Variants in EPHB1 observed in about 807,000 individuals in gnomAD.
EPHB1 encodes ephrin type-B receptor 1.
Under a neutral mutation model 94.4 loss-of-function variants are expected in EPHB1, and 30 were observed. That is an observed-to-expected ratio of 0.32 (90% CI 0.24 to 0.43). The LOEUF (loss-of-function observed/expected upper bound fraction) is 0.43. Ranked by LOEUF, EPHB1 falls within the 20% of genes least tolerant of loss-of-function variation. The pLI, the probability that EPHB1 is intolerant of heterozygous loss-of-function variation, is 1.00. For synonymous variants in EPHB1, 522 were observed against 489.1 expected (o/e 1.07, Z -0.89); for missense variants, 1,055 against 1,308.3 (o/e 0.81, Z 2.99).
intron 1 of EPHB1, among the ~76,000 whole-genome samples, chr3:134,872,572 A>G (rs2037522496): frequency 6.6e-6 from 1 of 152,270 alleles, no homozygotes; most frequent in East Asian, 1.9e-4. Flanking sequence ...AAGCAAAGCT[A>G]GAATGGGGGC....
At chr3:135,231,116 T>C (rs576316339) in intron 12 of EPHB1, among the ~76,000 whole-genome samples, 1 of 152,354 alleles carries the variant, frequency 6.6e-6, no homozygotes, top group African/African-American at 2.4e-5. Flanking sequence ...GCTGTTTCTT[T>C]GCCCTTTATT....
intron 3 of EPHB1, among the ~76,000 whole-genome samples, chr3:135,051,693 T>G (rs995618180): frequency 2.6e-5 from 4 of 152,254 alleles, no homozygotes; most frequent in African/African-American, 9.6e-5. Context: ...TGGAAAATGA[T>G]TGCATTAAGT....
chr3:135,165,864 C>A, intron 7 of EPHB1, 104 bp from the exon 8 acceptor site: 1 of 782,888 alleles, frequency 1.3e-6, no homozygotes. Context: ...AAACTATCCT[C>A]TACATATATG....
intron 1 of EPHB1, among the ~76,000 whole-genome samples, chr3:134,837,928 C>T (rs531270520): frequency 6.6e-5 from 10 of 152,294 alleles, no homozygotes; most frequent in African/African-American, 2.4e-4. Context: ...AGGCACTGGA[C>T]ATTACGTAGC....
intron 3 of EPHB1, among the ~76,000 whole-genome samples, chr3:135,065,749 CTTG>C (rs964127005): frequency 6.6e-6 from 1 of 151,898 alleles, no homozygotes; most frequent in Non-Finnish European, 1.5e-5. Flanking sequence ...GCCTGTGTAC[CTTG>C]TTGTTTTTGC....
chr3:135,223,804 G>T (rs1021995592), intron 12 of EPHB1, among the ~76,000 whole-genome samples: 15 of 152,252 alleles, frequency 9.9e-5, no homozygotes, highest in African/African-American at 3.4e-4. Context: ...ATTGTTTGAT[G>T]AATAAGTCTA....
At chr3:135,067,276 C>G (rs1204903448) in intron 3 of EPHB1, among the ~76,000 whole-genome samples, 1 of 152,060 alleles carries the variant, frequency 6.6e-6, no homozygotes, top group African/African-American at 2.4e-5. Context: ...TGCCCTTTGT[C>G]TTCAGCTACC....
intron 1 of EPHB1, chr3:134,841,488 G>A (rs2036776595): frequency 6.6e-6 from 1 of 152,256 alleles, no homozygotes; most frequent in African/African-American, 2.4e-5. Flanking sequence ...GGCTTCACAA[G>A]GATGGAGGCA....
intron 12 of EPHB1, among the ~76,000 whole-genome samples, chr3:135,230,994 A>G (rs183009418): frequency 5.7e-4 from 86 of 152,208 alleles, no homozygotes; most frequent in Admixed American, 1.0e-3. Flanking sequence ...TGTTGATTCC[A>G]TGTCTTTGCT....
intron 3 of EPHB1, among the ~76,000 whole-genome samples, chr3:134,962,654 T>A (rs1933565619): frequency 6.6e-6 from 1 of 152,142 alleles, no homozygotes; most frequent in Non-Finnish European, 1.5e-5. Context: ...CATGCATCTC[T>A]CAGCTCTCAC....
At chr3:135,191,235 T>G (rs577998587) in intron 10 of EPHB1, among the ~76,000 whole-genome samples, 227 of 152,198 alleles carry the variant, frequency 1.5e-3, no homozygotes, top group Non-Finnish European at 2.3e-3. Context: ...TAGGTCCATG[T>G]TGAAATCTTC....
At chr3:134,919,224 G>A (rs1449403338) in intron 1 of EPHB1, among the ~76,000 whole-genome samples, 4 of 152,234 alleles carry the variant, frequency 2.6e-5, no homozygotes, top group South Asian at 2.1e-4. Flanking sequence ...TCACAGCTGG[G>A]CCCCAGGGAA....
intron 1 of EPHB1, among the ~76,000 whole-genome samples, chr3:134,847,089 C>T (rs913505988): frequency 3.3e-5 from 5 of 152,036 alleles, no homozygotes; most frequent in Admixed American, 1.3e-4. Flanking sequence ...TGCGCCATTT[C>T]ACGCTGATTA....
chr3:135,036,151 C>A (rs1483570982), intron 3 of EPHB1, among the ~76,000 whole-genome samples: 1 of 152,150 alleles, frequency 6.6e-6, no homozygotes, highest in Admixed American at 6.5e-5. Context: ...ACCCCAGGAG[C>A]CTATGGTTGG....
chr3:134,942,147 G>A (rs1479443599), intron 2 of EPHB1, among the ~76,000 whole-genome samples: 1 of 152,196 alleles, frequency 6.6e-6, no homozygotes, highest in Non-Finnish European at 1.5e-5. Context: ...CAGTAAAGAA[G>A]GGAGAGAAGT....
chr3:135,135,024 A>G (rs1940568087), intron 5 of EPHB1, among the ~76,000 whole-genome samples: 1 of 152,092 alleles, frequency 6.6e-6, no homozygotes, highest in African/African-American at 2.4e-5. Flanking sequence ...AACATGCAAA[A>G]TATTCATTTG....
At chr3:135,048,683 A>G (rs1399331886) in intron 3 of EPHB1, among the ~76,000 whole-genome samples, 1 of 152,216 alleles carries the variant, frequency 6.6e-6, no homozygotes, top group East Asian at 1.9e-4. Context: ...GTGCACGCAC[A>G]TGCTGGCATC....
At chr3:134,975,095 C>T (rs551312298) in intron 3 of EPHB1, among the ~76,000 whole-genome samples, 11 of 152,132 alleles carry the variant, frequency 7.2e-5, no homozygotes, top group Non-Finnish European at 1.2e-4. Flanking sequence ...TTCAAAAAGC[C>T]GGCATTGATT....
intron 11 of EPHB1, among the ~76,000 whole-genome samples, chr3:135,198,695 C>T (rs777357698): frequency 6.6e-6 from 1 of 152,142 alleles, no homozygotes; most frequent in African/African-American, 2.4e-5. Flanking sequence ...ACTTGTGAGC[C>T]GTTACTTAGG....
Sources: gnomAD v4.1 joint callset for allele counts (sites outside exome capture counted in the v4.1 genomes callset) on GRCh38, gnomAD v4.1.1 for gene constraint, MANE v1.5 for transcripts, NCBI Gene and HGNC (gene_info 2026-07-23, HGNC 2026-07-21) for gene names.